Variants in PSD3 observed in about 807,000 individuals in gnomAD.
PSD3 encodes the protein pleckstrin and Sec7 domain containing 3.
A neutral mutation model predicts 105.5 loss-of-function variants in PSD3; 49 were observed. The ratio of observed to expected loss-of-function variants is 0.46; its 90% confidence interval spans 0.37 to 0.59. The LOEUF (loss-of-function observed/expected upper bound fraction) is 0.59. Ranked by LOEUF, PSD3 falls within the 20% of genes least tolerant of loss-of-function variation. The pLI is 0.00. For synonymous variants in PSD3, 557 were observed against 457.8 expected, an observed-to-expected ratio of 1.22 and a Z score of -2.77; for missense variants, 1,561 against 1,263.8, an observed-to-expected ratio of 1.24 and a Z score of -3.57.
At chr8:19,068,732 C>T (rs890680812) in intron 1 of PSD3, among the ~76,000 whole-genome samples, 1 of 150,080 alleles carries the variant, frequency 6.7e-6, no homozygotes, top group Non-Finnish European at 1.5e-5. Context: ...GCACGTTGTG[C>T]ACATGTACCC....
chr8:18,586,048 C>T (rs1803162008), intron 12 of PSD3, among the ~76,000 whole-genome samples: 1 of 152,068 alleles, frequency 6.6e-6, no homozygotes, highest in Non-Finnish European at 1.5e-5. Context: ...AAAGCTCTTA[C>T]TTTAATACCT....
chr8:19,063,428 G>C (rs539775395), intron 1 of PSD3, among the ~76,000 whole-genome samples: 1 of 152,156 alleles, frequency 6.6e-6, no homozygotes, highest in Non-Finnish European at 1.5e-5. Context: ...AATTGTGGTG[G>C]CTCAGGCTAA....
chr8:18,853,276 T>C (rs756663668), intron 4 of PSD3, among the ~76,000 whole-genome samples: 3 of 152,178 alleles, frequency 2.0e-5, no homozygotes, highest in Non-Finnish European at 4.4e-5. Context: ...GCAATGCCAA[T>C]GTTACCAATG....
At chr8:18,916,343 T>TAC (rs1563416885) in intron 2 of PSD3, among the ~76,000 whole-genome samples, 31 of 46,714 alleles carry the variant, frequency 6.6e-4, no homozygotes, top group African/African-American at 1.1e-3. Context: ...TATATATATA[T>TAC]ATATATACAC....
chr8:18,742,482 C>A (rs1398636471), intron 9 of PSD3, among the ~76,000 whole-genome samples: 6 of 152,064 alleles, frequency 3.9e-5, no homozygotes, highest in Non-Finnish European at 7.4e-5. Context: ...GATGTTATAT[C>A]CAAAATATAA....
At chr8:19,042,382 T>C (rs751216) in intron 1 of PSD3, among the ~76,000 whole-genome samples, 108,478 of 152,084 alleles carry the variant, frequency 0.71, 39,471 homozygotes, top group African/African-American at 0.87. Context: ...CCAAGCAAAC[T>C]CAGGCACACG....
chr8:18,566,848 A>T, intron 14 of PSD3, among the ~76,000 whole-genome samples: 1 of 152,206 alleles, frequency 6.6e-6, no homozygotes, highest in Non-Finnish European at 1.5e-5. Flanking sequence ...TTTAAAAATT[A>T]TGCATTCTAT....
intron 3 of PSD3, among the ~76,000 whole-genome samples, chr8:18,869,944 A>C (rs1759338650): frequency 1.3e-5 from 2 of 152,202 alleles, no homozygotes; most frequent in Non-Finnish European, 2.9e-5. Context: ...GACATAGGAG[A>C]CAATTGAAAA....
intron 12 of PSD3, among the ~76,000 whole-genome samples, chr8:18,595,501 AG>A (rs1460843207): frequency 1.2e-4 from 6 of 49,954 alleles, no homozygotes; most frequent in African/African-American, 1.5e-4. Context: ...AGAGAGAGAG[AG>A]AAAAAAAAAC....
chr8:18,905,646 A>G (rs1290851774), intron 2 of PSD3, among the ~76,000 whole-genome samples: 1 of 152,034 alleles, frequency 6.6e-6, no homozygotes, highest in African/African-American at 2.4e-5. Flanking sequence ...GAAAACATAT[A>G]TTGCCTATAC....
chr8:18,925,041 C>T (rs947534945), intron 2 of PSD3, among the ~76,000 whole-genome samples: 1 of 152,052 alleles, frequency 6.6e-6, no homozygotes, highest in Non-Finnish European at 1.5e-5. Context: ...GAAAACATAA[C>T]GAATACAATA....
intron 1 of PSD3, among the ~76,000 whole-genome samples, chr8:19,049,507 T>C (rs532651982): frequency 1.1e-4 from 16 of 151,970 alleles, no homozygotes; most frequent in African/African-American, 3.9e-4. Context: ...CCAGACAACA[T>C]AGCAAGACCC....
At chr8:19,028,614 G>T (rs554249493) in intron 1 of PSD3, among the ~76,000 whole-genome samples, 1 of 152,204 alleles carries the variant, frequency 6.6e-6, no homozygotes, top group South Asian at 2.1e-4. Context: ...TATGTATTTT[G>T]TAAATGTTTT....
At chr8:18,670,599 A>T (rs1001765051) in intron 9 of PSD3, among the ~76,000 whole-genome samples, 26 of 152,268 alleles carry the variant, frequency 1.7e-4, no homozygotes, top group African/African-American at 6.0e-4. Context: ...CACATACCTC[A>T]AGCACAAATA....
intron 14 of PSD3, among the ~76,000 whole-genome samples, chr8:18,564,834 G>A (rs1436804802): frequency 6.6e-6 from 1 of 152,044 alleles, no homozygotes; most frequent in African/African-American, 2.4e-5. Flanking sequence ...CAAAAGGAGG[G>A]GTGGGGGTTA....
chr8:19,000,783 A>AT (rs1445746659), intron 1 of PSD3: 1 of 151,896 alleles, frequency 6.6e-6, no homozygotes, highest in African/African-American at 2.4e-5. Flanking sequence ...ACGAAGCTAA[A>AT]TATCAGAGCA....
intron 4 of PSD3, among the ~76,000 whole-genome samples, chr8:18,863,517 T>C (rs1276968980): frequency 1.3e-5 from 2 of 152,126 alleles, no homozygotes; most frequent in South Asian, 2.1e-4. Flanking sequence ...CCGGCTGACA[T>C]GTGGCTCACT....
chr8:18,744,797 T>A (rs868766690), intron 9 of PSD3, among the ~76,000 whole-genome samples: 5 of 152,216 alleles, frequency 3.3e-5, no homozygotes, highest in Admixed American at 6.5e-5. Flanking sequence ...ATTACTGCCC[T>A]TGTCCTATTC....
Position 18,556,226 on chromosome 8 carries a change from G to A in PSD3, c.2911C>T (p.His971Tyr), listed in dbSNP as rs760448802. Residue 971 changes from histidine (H) to tyrosine (Y), a missense_variant, in exon 15 of 16, where the codon CAC becomes TAC. Transcript: ENST00000327040. ...CAACACACCTCAAACTCCAGATAGT[G>A]GTCTTTCAGTTTGTACTCATCGACG... ...KDVDEYKLKD[H>Y]YLEFEKTRYE... is the part of the protein sequence containing the mutation. 2 of 1,613,662 alleles carry A rather than the reference G, an allele frequency of 1.2e-6. No homozygotes were observed. The highest frequency in any genetic ancestry group is 1.7e-6 in the Non-Finnish European group (2 of 1,179,838).
Sources: allele counts gnomAD v4.1 joint callset (sites outside exome capture counted in the v4.1 genomes callset), GRCh38; gene constraint gnomAD v4.1.1; transcripts MANE v1.5; gene names NCBI Gene and HGNC (gene_info 2026-07-23, HGNC 2026-07-21).